HS3ST4: variants seen among roughly 807,000 people sequenced by gnomAD.
HS3ST4 encodes the protein heparan sulfate-glucosamine 3-sulfotransferase 4.
A neutral mutation model predicts 29.2 loss-of-function variants in HS3ST4; 17 were observed. That is an observed-to-expected ratio of 0.58 (90% CI 0.40 to 0.87). The LOEUF is 0.87. HS3ST4 is among the 40% of genes least tolerant of loss of function. The probability of loss-of-function intolerance (pLI) is 0.00; values close to 1 mark genes in which losing one functional copy is unlikely to be tolerated. For missense variants in HS3ST4, 627 were observed against 634.5 expected (o/e 0.99, Z 0.13); for synonymous variants, 314 against 285.7 (o/e 1.10, Z -1.00).
At chr16:25,926,141 G>T (rs920904859) in intron 1 of HS3ST4, among the ~76,000 whole-genome samples, 7 of 152,028 alleles carry the variant, frequency 4.6e-5, no homozygotes, top group East Asian at 1.9e-4. Context: ...TTACATCGTT[G>T]TGCAGCCATC....
At chr16:25,808,028 A>G (rs1003456882) in intron 1 of HS3ST4, among the ~76,000 whole-genome samples, 2 of 152,086 alleles carry the variant, frequency 1.3e-5, no homozygotes, top group Non-Finnish European at 2.9e-5. Context: ...CTAGATACCA[A>G]TCCTTTTTCA....
chr16:25,719,215 C>G lies in HS3ST4; in HGVS notation c.734+26064C>G, dbSNP rs77526341. The stretch of plus-strand genomic sequence containing the variant: ...TGGGTCAGCATTTAGTTTTAGTTCT[C>G]AGGAAGTTGCTGGGGCAAAGGGAGG... On this transcript the variant is annotated intron_variant, in intron 1 of 1. Coordinates refer to ENST00000331351, the MANE Select transcript of HS3ST4 (RefSeq NM_006040.3). Among the ~76,000 whole-genome samples the G allele has an allele frequency of 7.0e-3, 1,061 of 152,302 alleles. 18 individuals are homozygous for G. The highest frequency in any genetic ancestry group is 0.024 in the African/African-American group (1,018 of 41,552).
intron 1 of HS3ST4, among the ~76,000 whole-genome samples, chr16:25,934,909 T>C (rs1968504085): frequency 6.6e-6 from 1 of 152,192 alleles, no homozygotes; most frequent in Non-Finnish European, 1.5e-5. Flanking sequence ...TTTGGCTGTG[T>C]CCCTACCCAA....
intron 1 of HS3ST4, among the ~76,000 whole-genome samples, chr16:25,911,109 C>G (rs534654557): frequency 8.5e-5 from 13 of 152,276 alleles, no homozygotes; most frequent in African/African-American, 3.1e-4. Flanking sequence ...AATATGAAGA[C>G]ATTCCCTCAG....
chr16:25,899,539 T>C (rs989446389), intron 1 of HS3ST4, among the ~76,000 whole-genome samples: 9 of 152,100 alleles, frequency 5.9e-5, no homozygotes, highest in African/African-American at 2.2e-4. Context: ...GGAGTCTCAC[T>C]CTGTTGCCCA....
chr16:25,803,357 TC>T lies in HS3ST4; in HGVS notation c.734+110209del, dbSNP rs574063832. The stretch of plus-strand genomic sequence containing the variant: ...TGCTCTTGACTTTAGTGAGAATTCC[TC>T]CCTGTCTCATCATTCATAAACATGG... On this transcript the variant is annotated intron_variant, in intron 1 of 1. Coordinates refer to ENST00000331351, the MANE Select transcript of HS3ST4 (RefSeq NM_006040.3). 2.1e-4 allele frequency among the ~76,000 whole-genome samples: 32 copies of T among 152,334 alleles called. No individual in the cohort carries two copies. The East Asian group carries it at 4.2e-3, about 20-fold the overall frequency.
At chr16:26,102,339 C>T (rs1252933257) in intron 1 of HS3ST4, among the ~76,000 whole-genome samples, 1 of 152,068 alleles carries the variant, frequency 6.6e-6, no homozygotes, top group Non-Finnish European at 1.5e-5. Flanking sequence ...TATTTCTTCC[C>T]TACTGGGACA....
At chr16:25,847,306 T>C (rs1967476426) in intron 1 of HS3ST4, among the ~76,000 whole-genome samples, 1 of 152,214 alleles carries the variant, frequency 6.6e-6, no homozygotes, top group South Asian at 2.1e-4. Context: ...CCATATAAAT[T>C]GTTATTAATG....
chr16:25,975,286 A>T (rs558703224), intron 1 of HS3ST4, among the ~76,000 whole-genome samples: 3 of 140,144 alleles, frequency 2.1e-5, no homozygotes, highest in Non-Finnish European at 4.7e-5. Flanking sequence ...ACTGGAGCCT[A>T]TTAGAGGGGG....
chr16:26,130,465 G>T (rs906624601), intron 1 of HS3ST4, among the ~76,000 whole-genome samples: 1 of 152,138 alleles, frequency 6.6e-6, no homozygotes, highest in Non-Finnish European at 1.5e-5. Context: ...ATAGTAATGG[G>T]GCAGCTAGTA....
intron 1 of HS3ST4, among the ~76,000 whole-genome samples, chr16:25,737,974 G>A (rs868196692): frequency 6.7e-6 from 1 of 150,048 alleles, no homozygotes; most frequent in Non-Finnish European, 1.5e-5. Context: ...GAGCAATCTC[G>A]GCTCACTGCA....
chr16:25,993,337 G>T (rs1969129788), intron 1 of HS3ST4, among the ~76,000 whole-genome samples: 1 of 152,060 alleles, frequency 6.6e-6, no homozygotes, highest in Admixed American at 6.6e-5. Flanking sequence ...GAAATAATGT[G>T]GAGTGGACCC....
Position 25,789,375 on chromosome 16 carries a change from CTCTT to C in HS3ST4, c.734+96236_734+96239del, listed in dbSNP as rs143057941. Among the ~76,000 whole-genome samples, 1,295 of 148,612 alleles carry C rather than the reference CTCTT, an allele frequency of 8.7e-3. 27 individuals carry two copies. The highest frequency in any genetic ancestry group is 0.03 in the African/African-American group (1,191 of 39,316). ...TTCTTTCCTTTCCCTCTCTCTCTTT[CTCTT>C]TCTTTCTTTCTCTTTCTTTGTTTTT... is the stretch of plus-strand genomic sequence containing the variant. On this transcript the variant is annotated intron_variant, in intron 1 of 1. Transcript: ENST00000331351.
intron 1 of HS3ST4, among the ~76,000 whole-genome samples, chr16:25,817,329 C>T (rs1967103191): frequency 6.6e-6 from 1 of 152,146 alleles, no homozygotes; most frequent in Non-Finnish European, 1.5e-5. Context: ...CTTGGACAGA[C>T]TAGTACAGAG....
At chr16:25,825,656 T>C (rs1369829636) in intron 1 of HS3ST4, 3 of 152,214 alleles carry the variant, frequency 2.0e-5, no homozygotes, top group Admixed American at 6.5e-5. Flanking sequence ...TGCAGAGACC[T>C]GTGTGAACGT....
In HS3ST4 at chr16:25,692,982, A is replaced by AC; in HGVS notation, c.570dup (p.Asp191ArgfsTer79). The AC allele has an allele frequency of 6.2e-7, 1 of 1,610,568 alleles. No individual in the cohort carries two copies. The highest frequency in any genetic ancestry group is 8.5e-7 in the Non-Finnish European group (1 of 1,179,126). On this transcript the variant is annotated frameshift_variant, in exon 1 of 2. Transcript: ENST00000331351. LOFTEE classifies it high-confidence loss of function. ...CAGCGAGAGGGGCGGCGCCGTCAGC[A>AC]CCCCCGACTATGGGGAGAAGAAGCT...
intron 1 of HS3ST4, among the ~76,000 whole-genome samples, chr16:25,799,222 C>A (rs1177233318): frequency 6.6e-6 from 1 of 152,140 alleles, no homozygotes; most frequent in Non-Finnish European, 1.5e-5. Flanking sequence ...CCATGCCACC[C>A]ACATTCAAAT....
intron 1 of HS3ST4, among the ~76,000 whole-genome samples, chr16:25,757,401 T>C (rs1451735793): frequency 2.0e-5 from 3 of 152,058 alleles, no homozygotes; most frequent in African/African-American, 7.2e-5. Context: ...CACTTCACTT[T>C]ATTGCACTTT....
intron 1 of HS3ST4, among the ~76,000 whole-genome samples, chr16:25,800,565 A>G (rs1966923526): frequency 6.6e-6 from 1 of 152,146 alleles, no homozygotes. Context: ...CTGAAACGCT[A>G]CCCTAAGACC....
Sources: allele counts gnomAD v4.1 joint callset (sites outside exome capture counted in the v4.1 genomes callset), GRCh38; gene constraint gnomAD v4.1.1; transcripts MANE v1.5; gene names NCBI Gene and HGNC (gene_info 2026-07-23, HGNC 2026-07-21).